The following SCAPER variants were observed in gnomAD, a reference collection of about 807,000 sequenced individuals.
The protein encoded by SCAPER is S phase cyclin A-associated protein in the endoplasmic reticulum.
Under a neutral mutation model 182.2 loss-of-function variants are expected in SCAPER, and 98 were observed. The observed-to-expected ratio is 0.54, with a 90% CI of 0.46 to 0.64. The LOEUF is 0.64. Among genes scored for constraint, SCAPER ranks in the 30% least tolerant of loss-of-function variants. SCAPER has a pLI of 0.00. For synonymous variants in SCAPER, 605 were observed against 564.6 expected (o/e 1.07, Z -1.01); for missense variants, 1,432 against 1,690.0 (o/e 0.85, Z 2.68).
Position 76,599,397 on chromosome 15 carries a change from C to T in SCAPER, c.2711+22367G>A, listed in dbSNP as rs1442801637. On this transcript the variant is annotated intron_variant, in intron 22 of 31. Coordinates refer to ENST00000563290, the MANE Select transcript of SCAPER (RefSeq NM_020843.4). ...AACATACACATATCAAAGGACTTTG[C>T]ACATTCATGCCTAGGTGTTCACCCA... Among the ~76,000 whole-genome samples the T allele has an allele frequency of 1.6e-5, 2 of 121,872 alleles. 1 individual carries two copies. The highest frequency in any genetic ancestry group is 4.0e-5 in the Non-Finnish European group (2 of 50,158). 80.0% of individuals were successfully genotyped at this position (121,872 alleles called of 152,430 possible).
At chr15:76,409,984 G>A (rs2045169145) in intron 26 of SCAPER, among the ~76,000 whole-genome samples, 1 of 150,924 alleles carries the variant, frequency 6.6e-6, no homozygotes, top group African/African-American at 2.4e-5. Context: ...GTAGAGACAG[G>A]GTTTTGCCTT....
intron 21 of SCAPER, among the ~76,000 whole-genome samples, chr15:76,634,335 T>A (rs2053411477): frequency 6.6e-6 from 1 of 152,140 alleles, no homozygotes; most frequent in African/African-American, 2.4e-5. Flanking sequence ...AATGAGAGAA[T>A]CTTGGTACTT....
At chr15:76,579,265 CAAAAAAAAAA>C (rs71143342) in intron 22 of SCAPER, among the ~76,000 whole-genome samples, 2 of 49,484 alleles carry the variant, frequency 4.0e-5, no homozygotes, top group South Asian at 1.3e-3. Flanking sequence ...GACTCTGTCT[CAAAAAAAAAA>C]AAAAAAAAAA....
intron 26 of SCAPER, among the ~76,000 whole-genome samples, chr15:76,418,411 G>C (rs965661039): frequency 6.6e-5 from 10 of 152,206 alleles, no homozygotes; most frequent in African/African-American, 2.4e-4. Flanking sequence ...AGTACTCATA[G>C]GACCCAAATC....
rs1475179587 is a variant in SCAPER at position 76,599,781 on chromosome 15, A to T, written c.2711+21983T>A. On this transcript the variant is annotated intron_variant, in intron 22 of 31. Transcript: ENST00000563290. ...GTGGGAGTAAAGGGATTCACCAAGG[A>T]CATATAATAACCTTCTGGGATGATG... Among the ~76,000 whole-genome samples the T allele has an allele frequency of 2.5e-5, 3 of 121,612 alleles. 1 individual carries two copies. The highest frequency in any genetic ancestry group is 6.0e-5 in the Non-Finnish European group (3 of 50,030). The allele number at this position is 121,612 out of a possible 152,430, so 79.8% of individuals were successfully genotyped here.
chr15:76,464,698 C>T (rs775976605), intron 25 of SCAPER, among the ~76,000 whole-genome samples: 13 of 152,006 alleles, frequency 8.6e-5, no homozygotes, highest in East Asian at 1.9e-4. Flanking sequence ...TGAATAATGC[C>T]GAGGTGAACA....
At chr15:76,576,803 G>A (rs1193586112) in intron 22 of SCAPER, 1 of 152,180 alleles carries the variant, frequency 6.6e-6, no homozygotes, top group Non-Finnish European at 1.5e-5. Flanking sequence ...CTGTTACAGT[G>A]GAAAGCAACA....
chr15:76,471,419 A>G, intron 24 of SCAPER, 84 bp from the exon 25 acceptor site: 1 of 1,421,604 alleles, frequency 7.0e-7, no homozygotes. Flanking sequence ...GAATGGTATG[A>G]AAGCCAACAG....
chr15:76,802,742 A>T (rs925906505), intron 6 of SCAPER, among the ~76,000 whole-genome samples: 1 of 152,152 alleles, frequency 6.6e-6, no homozygotes, highest in Non-Finnish European at 1.5e-5. Flanking sequence ...AGTTTCACCC[A>T]CTAAGATTGA....
chr15:76,759,701 T>C (rs1358482386), intron 14 of SCAPER, among the ~76,000 whole-genome samples: 1 of 152,250 alleles, frequency 6.6e-6, no homozygotes, highest in Non-Finnish European at 1.5e-5. Context: ...CAAGTGTTTA[T>C]CCTGCATCTG....
intron 24 of SCAPER, among the ~76,000 whole-genome samples, chr15:76,499,547 G>A (rs1489147101): frequency 6.6e-6 from 1 of 152,182 alleles, no homozygotes; most frequent in Non-Finnish European, 1.5e-5. Flanking sequence ...TGACTATGAT[G>A]TCCTATGATT....
At chr15:76,782,814 A>G (rs183255438) in intron 8 of SCAPER, among the ~76,000 whole-genome samples, 9 of 152,308 alleles carry the variant, frequency 5.9e-5, no homozygotes, top group Non-Finnish European at 8.8e-5. Context: ...GCAGAAATAA[A>G]GATGTTCTTT....
intron 7 of SCAPER, among the ~76,000 whole-genome samples, chr15:76,798,610 A>G (rs1402652737): frequency 2.0e-5 from 3 of 152,190 alleles, no homozygotes; most frequent in Admixed American, 6.5e-5. Flanking sequence ...ACTTAGATAT[A>G]TCATAGTCAG....
intron 20 of SCAPER, among the ~76,000 whole-genome samples, chr15:76,677,113 C>T (rs548878377): frequency 2.0e-5 from 3 of 152,036 alleles, no homozygotes; most frequent in African/African-American, 4.8e-5. Context: ...ATAAGACTGA[C>T]TTACTCATTT....
intron 9 of SCAPER, 72 bp downstream of exon 9, chr15:76,774,783 T>G: frequency 6.9e-7 from 1 of 1,450,610 alleles, no homozygotes; most frequent in Non-Finnish European, 9.2e-7. Flanking sequence ...AGTACAAAAC[T>G]AAGACATTCC....
intron 7 of SCAPER, among the ~76,000 whole-genome samples, chr15:76,799,278 TCTC>T (rs1353686489): frequency 2.1e-5 from 3 of 145,416 alleles, no homozygotes; most frequent in Non-Finnish European, 1.5e-5. Context: ...TAAACTATAA[TCTC>T]CTGGAATTTT....
chr15:76,764,988 T>C lies in SCAPER; in HGVS notation c.1698A>G (p.Thr566=), dbSNP rs1288650539. The part of the protein sequence containing the change: ...QLREKLREEK[T]LKLQKLLERE... ...TTTCTAACAATTTCTGAAGCTTCAA[T>C]GTTTTCTCTTCGCGTAACTTTTCCC... Residue 566 remains threonine, a synonymous_variant, in exon 14 of 32, where the codon ACA becomes ACG. Coordinates refer to ENST00000563290, the MANE Select transcript of SCAPER (RefSeq NM_020843.4). 1 of 1,599,682 alleles carries C rather than the reference T, an allele frequency of 6.3e-7. No individual in the cohort carries two copies. The highest frequency in any genetic ancestry group is 1.1e-5 in the South Asian group (1 of 88,306).
intron 27 of SCAPER, among the ~76,000 whole-genome samples, chr15:76,393,710 T>C (rs1420894826): frequency 1.3e-5 from 2 of 152,222 alleles, no homozygotes; most frequent in Non-Finnish European, 2.9e-5. Context: ...GTGAATAGAA[T>C]GTAGTGCAAG....
intron 21 of SCAPER, among the ~76,000 whole-genome samples, chr15:76,661,540 A>G (rs531552095): frequency 1.4e-4 from 21 of 152,338 alleles, no homozygotes; most frequent in African/African-American, 4.8e-4. Flanking sequence ...ACACTTCTCA[A>G]AAGAAGATAT....
Sources: allele counts gnomAD v4.1 joint callset (sites outside exome capture counted in the v4.1 genomes callset), GRCh38; gene constraint gnomAD v4.1.1; transcripts MANE v1.5; gene names NCBI Gene and HGNC (gene_info 2026-07-23, HGNC 2026-07-21).